SSH2: variants seen among roughly 807,000 people sequenced by gnomAD.
The protein encoded by SSH2 is slingshot protein phosphatase 2.
Under a neutral mutation model 135.2 loss-of-function variants are expected in SSH2, and 37 were observed. That is an observed-to-expected ratio of 0.27 (90% CI 0.21 to 0.36). The LOEUF (loss-of-function observed/expected upper bound fraction) is 0.36. Among genes scored for constraint, SSH2 ranks in the 10% least tolerant of loss-of-function variants. SSH2 has a pLI of 1.00. For missense variants in SSH2, 1,408 were observed against 1,765.3 expected (o/e 0.80, Z 3.63); for synonymous variants, 628 against 646.2 (o/e 0.97, Z 0.43).
intron 6 of SSH2, among the ~76,000 whole-genome samples, chr17:29,683,457 C>G (rs2038070793): frequency 6.6e-6 from 1 of 152,120 alleles, no homozygotes; most frequent in South Asian, 2.1e-4. Flanking sequence ...CCATCCCCGC[C>G]CCGCCCACCA....
chr17:29,930,132 G>T lies in SSH2; in HGVS notation c.-132C>A, dbSNP rs1442074398. The T allele has an allele frequency of 4.8e-6, 4 of 832,444 alleles. No individual in the cohort carries two copies. In the African/African-American group the frequency reaches 6.8e-5, roughly 14 times the overall value. The allele number at this position is 832,444 out of a possible 1,614,324, so 51.6% of individuals were successfully genotyped here. Reference sequence around the variant, plus strand: ...GGAACGGGGAGGAGGAGGAGGCCGCGGGAACGGCCGCAGACTCCGCACCCA... The same window carrying T: ...GGAACGGGGAGGAGGAGGAGGCCGCTGGAACGGCCGCAGACTCCGCACCCA... On this transcript the variant is annotated 5_prime_UTR_variant, in exon 1 of 16. Coordinates refer to ENST00000540801, the MANE Select transcript of SSH2 (RefSeq NM_001282129.2).
At chr17:29,640,387 T>G (rs1022991841) in intron 14 of SSH2, among the ~76,000 whole-genome samples, 3 of 152,184 alleles carry the variant, frequency 2.0e-5, no homozygotes, top group African/African-American at 7.2e-5. Context: ...CTCCAAAGTA[T>G]GTTTTTTAAA....
At position 29,627,724 on chromosome 17, in the gene SSH2, A is replaced by G. The variant is rs2035539689; in HGVS notation, c.*3117T>C. 6.6e-6 allele frequency: 1 copy of G among 152,654 alleles called. No homozygotes were observed. The highest frequency in any genetic ancestry group is 1.5e-5 in the Non-Finnish European group (1 of 68,038). 9.5% of individuals were successfully genotyped at this position (152,654 alleles called of 1,614,324 possible). A position where few individuals can be genotyped will look rare whatever the true frequency, so the allele number is the denominator to read the frequency against. On this transcript the variant is annotated 3_prime_UTR_variant, in exon 16 of 16. Coordinates refer to ENST00000540801, the MANE Select transcript of SSH2 (RefSeq NM_001282129.2). ...TACTATAGTACTACATGTCTACTACAGTATCCATTAGTCCTGGGTGTCTCC... is the reference window on the plus strand; with the variant it reads ...TACTATAGTACTACATGTCTACTACGGTATCCATTAGTCCTGGGTGTCTCC...
intron 2 of SSH2, among the ~76,000 whole-genome samples, chr17:29,819,809 C>T (rs1415953492): frequency 1.3e-5 from 2 of 152,112 alleles, no homozygotes; most frequent in South Asian, 2.1e-4. Flanking sequence ...CATTAATAGA[C>T]CATTACCTGG....
At chr17:29,643,084 T>A in intron 14 of SSH2, 1 of 970,140 alleles carries the variant, frequency 1.0e-6, no homozygotes, top group Non-Finnish European at 1.2e-6. Context: ...TTCTAAGGAT[T>A]TTCCTCTCCT....
chr17:29,701,471 G>A (rs887127672), intron 4 of SSH2, among the ~76,000 whole-genome samples: 1 of 144,810 alleles, frequency 6.9e-6, no homozygotes, highest in Non-Finnish European at 1.5e-5. Context: ...GTGCAGTGGT[G>A]CAAAGAGGGC....
chr17:29,898,196 C>A (rs1337405832), intron 1 of SSH2, among the ~76,000 whole-genome samples: 1 of 151,928 alleles, frequency 6.6e-6, no homozygotes, highest in African/African-American at 2.4e-5. Context: ...AAAATTGACA[C>A]CCTAACATCA....
At chr17:29,761,731 C>A (rs1238198998) in intron 3 of SSH2, among the ~76,000 whole-genome samples, 3 of 152,046 alleles carry the variant, frequency 2.0e-5, no homozygotes, top group South Asian at 4.1e-4. Flanking sequence ...ACCTCAAACC[C>A]GTTTTTGAAA....
At position 29,637,780 on chromosome 17, in the gene SSH2, CA is replaced by C. The variant is rs575600781; in HGVS notation, c.1428-979del. On this transcript the variant is annotated intron_variant, in intron 14 of 15. Transcript: ENST00000540801. Reference sequence around the variant, plus strand: ...TGGGTGACTGAGTGATCCCTTGTCTCAAAAAAAAAATAAAAAATAAAAATAA... The same window carrying C: ...TGGGTGACTGAGTGATCCCTTGTCTCAAAAAAAAATAAAAAATAAAAATAA... 2.3e-4 allele frequency among the ~76,000 whole-genome samples: 33 copies of C among 142,936 alleles called. 1 individual carries two copies. The highest frequency in any genetic ancestry group is 3.5e-4 in the Admixed American group (5 of 14,270). The allele number at this position is 142,936 out of a possible 152,430, so 93.8% of individuals were successfully genotyped here.
At chr17:29,724,536 A>AAAAC (rs1241184561) in intron 3 of SSH2, among the ~76,000 whole-genome samples, 6 of 149,890 alleles carry the variant, frequency 4.0e-5, no homozygotes, top group South Asian at 4.2e-4. Context: ...CTCAAAAAAA[A>AAAAC]AAAAAAAAAA....
intron 3 of SSH2, among the ~76,000 whole-genome samples, chr17:29,760,603 A>T (rs1229120543): frequency 6.6e-6 from 1 of 152,184 alleles, no homozygotes; most frequent in Non-Finnish European, 1.5e-5. Flanking sequence ...AGCACGTACC[A>T]GTAGTACAGG....
At chr17:29,708,662 G>A (rs1381638167) in intron 3 of SSH2, among the ~76,000 whole-genome samples, 1 of 150,408 alleles carries the variant, frequency 6.6e-6, no homozygotes. Flanking sequence ...TCATGTTTCT[G>A]AATTGACTAG....
At chr17:29,704,048 T>C (rs2039099691) in intron 3 of SSH2, among the ~76,000 whole-genome samples, 2 of 152,202 alleles carry the variant, frequency 1.3e-5, no homozygotes, top group South Asian at 4.1e-4. Context: ...AAAGAGCCAA[T>C]GAGAACAGAG....
chr17:29,745,456 A>G (rs1265371961), intron 3 of SSH2, among the ~76,000 whole-genome samples: 1 of 151,886 alleles, frequency 6.6e-6, no homozygotes, highest in African/African-American at 2.4e-5. Context: ...CACCGCACCC[A>G]GCTACAATGA....
intron 2 of SSH2, among the ~76,000 whole-genome samples, chr17:29,800,028 C>T (rs2042222517): frequency 6.6e-6 from 1 of 152,112 alleles, no homozygotes; most frequent in African/African-American, 2.4e-5. Context: ...TGCATCTTTC[C>T]TCTATGACTT....
chr17:29,745,454 C>T (rs2151217798), intron 3 of SSH2, among the ~76,000 whole-genome samples: 1 of 152,292 alleles, frequency 6.6e-6, no homozygotes, highest in Admixed American at 6.5e-5. Flanking sequence ...GCCACCGCAC[C>T]CAGCTACAAT....
rs147515272 is a variant in SSH2 at position 29,923,778 on chromosome 17, C to T, written c.63+6160G>A. 8.3e-3 allele frequency among the ~76,000 whole-genome samples: 1,255 copies of T among 152,028 alleles called. 11 individuals carry two copies. The highest frequency in any genetic ancestry group is 0.025 in the African/African-American group (1,045 of 41,480). On this transcript the variant is annotated intron_variant, in intron 1 of 15. Transcript: ENST00000540801. ...AACTTCAGCCAGGCGTGGTGGTGCA[C>T]GTCTGTAGTCCCAGCTACTTGGGAG...
chr17:29,696,208 C>CACACACACACACACAT (rs373379041), intron 4 of SSH2, among the ~76,000 whole-genome samples: 2 of 140,802 alleles, frequency 1.4e-5, no homozygotes, highest in Non-Finnish European at 3.1e-5. Flanking sequence ...CACACACACA[C>CACACACACACACACAT]ATATGTATAT....
At chr17:29,642,283 C>T (rs956950165) in intron 14 of SSH2, among the ~76,000 whole-genome samples, 3 of 152,130 alleles carry the variant, frequency 2.0e-5, no homozygotes, top group African/African-American at 7.2e-5. Context: ...CCTGCCTCCT[C>T]TGGCCCTTGT....
Sources: allele counts gnomAD v4.1 joint callset (sites outside exome capture counted in the v4.1 genomes callset), GRCh38; gene constraint gnomAD v4.1.1; transcripts MANE v1.5; gene names NCBI Gene and HGNC (gene_info 2026-07-23, HGNC 2026-07-21).